Variants in DAB2IP observed in about 807,000 individuals in gnomAD.
DAB2IP encodes the protein DAB2 interacting protein, also known as disabled homolog 2-interacting protein.
A neutral mutation model predicts 107.2 loss-of-function variants in DAB2IP; 28 were observed. The observed-to-expected ratio is 0.26, with a 90% CI of 0.19 to 0.36. The LOEUF is 0.36. Among genes scored for constraint, DAB2IP ranks in the 10% least tolerant of loss-of-function variants. DAB2IP has a pLI of 1.00. For synonymous variants in DAB2IP, 755 were observed against 706.4 expected (o/e 1.07, Z -1.09); for missense variants, 1,400 against 1,644.7 (o/e 0.85, Z 2.57).
intron 1 of DAB2IP, among the ~76,000 whole-genome samples, chr9:121,585,846 T>TAA (rs540921133): frequency 1.4e-5 from 1 of 71,204 alleles, no homozygotes; most frequent in African/African-American, 5.3e-5. Flanking sequence ...GGTTAGGGAT[T>TAA]TAAAAAAAAA....
chr9:121,753,264 G>A (rs1426969225), intron 3 of DAB2IP, among the ~76,000 whole-genome samples: 1 of 152,178 alleles, frequency 6.6e-6, no homozygotes, highest in East Asian at 1.9e-4. Flanking sequence ...TTGCAGGGGT[G>A]GAATCCCCAT....
chr9:121,766,738 C>T lies in DAB2IP; in HGVS notation c.1697+8C>T, dbSNP rs776668481. The T allele has an allele frequency of 3.1e-6, 5 of 1,613,282 alleles. No homozygotes were observed. In the African/African-American group the frequency reaches 6.7e-5, roughly 22 times the overall value. ...CCTGGCCAACTTTGCCAAGTGAGTG[C>T]CTCCTCCCTCACCAGGCAGAGTTGG... On this transcript the variant is annotated splice_region_variant and intron_variant, in intron 9 of 15. Coordinates refer to ENST00000408936, the Ensembl canonical transcript of DAB2IP.
intron 1 of DAB2IP, among the ~76,000 whole-genome samples, chr9:121,583,762 G>A (rs1830255139): frequency 6.6e-6 from 1 of 152,224 alleles, no homozygotes; most frequent in Admixed American, 6.5e-5. Flanking sequence ...AGAGCCTATA[G>A]GCTCTGTCTA....
At chr9:121,696,847 G>A (rs905634336) in intron 2 of DAB2IP, among the ~76,000 whole-genome samples, 4 of 152,156 alleles carry the variant, frequency 2.6e-5, no homozygotes, top group African/African-American at 9.7e-5. Context: ...TGATGTGATC[G>A]GTGGGTGGGT....
At chr9:121,774,923 A>G (rs1302746233) in intron 13 of DAB2IP, among the ~76,000 whole-genome samples, 15 of 152,198 alleles carry the variant, frequency 9.9e-5, no homozygotes, top group Admixed American at 9.8e-4. Context: ...GGCCTGGGAA[A>G]GAAACAGCAG....
At chr9:121,716,105 A>G (rs1027612178) in intron 3 of DAB2IP, among the ~76,000 whole-genome samples, 1 of 152,212 alleles carries the variant, frequency 6.6e-6, no homozygotes, top group Non-Finnish European at 1.5e-5. Flanking sequence ...TATTCCTGAC[A>G]AGCCCCAGGT....
intron 1 of DAB2IP, among the ~76,000 whole-genome samples, chr9:121,663,541 A>T (rs899144884): frequency 2.0e-5 from 3 of 151,248 alleles, no homozygotes; most frequent in African/African-American, 7.3e-5. Context: ...ACCAGACTCC[A>T]CTCCCCAGCA....
At chr9:121,755,281 T>G (rs1285354120) in intron 3 of DAB2IP, among the ~76,000 whole-genome samples, 1 of 152,190 alleles carries the variant, frequency 6.6e-6, no homozygotes, top group Non-Finnish European at 1.5e-5. Flanking sequence ...CAGTGCCCCT[T>G]TGTGAACTGG....
At chr9:121,748,086 G>A (rs866600402) in intron 3 of DAB2IP, among the ~76,000 whole-genome samples, 3 of 152,288 alleles carry the variant, frequency 2.0e-5, no homozygotes, top group South Asian at 2.1e-4. Context: ...ATTATTACAG[G>A]TGATGGTAGT....
intron 3 of DAB2IP, among the ~76,000 whole-genome samples, chr9:121,727,055 A>G (rs1261233512): frequency 6.6e-6 from 1 of 152,128 alleles, no homozygotes; most frequent in Non-Finnish European, 1.5e-5. Flanking sequence ...CTGCAGGCTT[A>G]TGTATAGCTT....
In DAB2IP at chr9:121,634,216, G is replaced by A. The variant is rs1174820923; in HGVS notation, c.41-44462G>A. Among the ~76,000 whole-genome samples the A allele has an allele frequency of 2.6e-5, 4 of 152,154 alleles. No homozygotes were observed. The highest frequency in any genetic ancestry group is 4.4e-5 in the Non-Finnish European group (3 of 68,028). ...GGGTCCCCTATGCACCCCGGGGTAG[G>A]AGCTGAATGGCCTGGCTTCCCAATG... On this transcript the variant is annotated intron_variant, in intron 1 of 16. Coordinates refer to the DAB2IP transcript ENST00000259371. The surrounding 1 kb of genome is among the most constrained non-coding windows in gnomAD (Gnocchi z 4.7).
chr9:121,578,044 C>T lies in DAB2IP; in HGVS notation c.40+10816C>T, dbSNP rs144176898. On this transcript the variant is annotated intron_variant, in intron 1 of 16. Transcript: ENST00000259371. ...ACTCTATGGCCCTGAAGCCAGGGCA[C>T]CAGGGAATCTGGGGGGTGGGTGCCC... Among the ~76,000 whole-genome samples the T allele has an allele frequency of 2.0e-5, 3 of 152,102 alleles. No homozygotes were observed. The East Asian group carries it at 5.9e-4, about 30-fold the overall frequency.
At chr9:121,695,372 C>G (rs1829369131) in intron 2 of DAB2IP, among the ~76,000 whole-genome samples, 1 of 152,200 alleles carries the variant, frequency 6.6e-6, no homozygotes, top group Non-Finnish European at 1.5e-5. Context: ...ACCTACTACT[C>G]TGTGTAGTTG....
chr9:121,654,577 A>C (rs1832897712), intron 1 of DAB2IP, among the ~76,000 whole-genome samples: 1 of 152,028 alleles, frequency 6.6e-6, no homozygotes, highest in African/African-American at 2.4e-5. Context: ...TAGGGCAGCC[A>C]TTGCCCTCCC....
chr9:121,603,241 G>A (rs972131232), intron 1 of DAB2IP, among the ~76,000 whole-genome samples: 6 of 152,192 alleles, frequency 3.9e-5, no homozygotes, highest in African/African-American at 1.4e-4. Context: ...GGGCCATTGG[G>A]CAGCTTTGGG....
chr9:121,721,237 G>C (rs1830914155), intron 3 of DAB2IP, among the ~76,000 whole-genome samples: 1 of 152,218 alleles, frequency 6.6e-6, no homozygotes, highest in Admixed American at 6.5e-5. Context: ...GCTCACCCCA[G>C]TGTCTTGCTG....
intron 1 of DAB2IP, among the ~76,000 whole-genome samples, chr9:121,660,528 G>T (rs1200689290): frequency 6.6e-6 from 1 of 152,182 alleles, no homozygotes; most frequent in Admixed American, 6.5e-5. Context: ...GATGGGGGAA[G>T]GCAGAGGGCA....
chr9:121,585,352 G>A (rs1370616930), intron 1 of DAB2IP, among the ~76,000 whole-genome samples: 1 of 152,106 alleles, frequency 6.6e-6, no homozygotes, highest in African/African-American at 2.4e-5. Flanking sequence ...GTGATTTGAG[G>A]CAAGTTTCTT....
chr9:121,681,732 G>C (rs529057448), intron 2 of DAB2IP, among the ~76,000 whole-genome samples: 6 of 152,284 alleles, frequency 3.9e-5, no homozygotes, highest in Non-Finnish European at 7.4e-5. Context: ...TGTGATTTGA[G>C]ATTCTCTTCT....
Sources: gnomAD v4.1 joint callset for allele counts (sites outside exome capture counted in the v4.1 genomes callset) on GRCh38, gnomAD v4.1.1 for gene constraint, Gnocchi (gnomAD v3.1) non-coding constraint, MANE v1.5 for transcripts, NCBI Gene and HGNC (gene_info 2026-07-23, HGNC 2026-07-21) for gene names.